The following EGLN3 variants were observed in gnomAD, a reference collection of about 807,000 sequenced individuals.
The protein encoded by EGLN3 is prolyl hydroxylase EGLN3.
A neutral mutation model predicts 26.0 loss-of-function variants in EGLN3; 15 were observed. The ratio of observed to expected loss-of-function variants is 0.58; its 90% CI spans 0.39 to 0.89. The LOEUF is 0.89. Among genes scored for constraint, EGLN3 ranks in the 40% least tolerant of loss-of-function variants. EGLN3 has a pLI of 0.00. For missense variants in EGLN3, 238 were observed against 311.6 expected (o/e 0.76, Z 1.78); for synonymous variants, 147 against 127.2 (o/e 1.16, Z -1.05).
At chr14:33,926,819 A>C in intron 4 of EGLN3, 141 bp downstream of exon 4, 1 of 505,534 alleles carries the variant, frequency 2.0e-6, no homozygotes, top group Non-Finnish European at 3.2e-6. Flanking sequence ...CCAAGGTTTC[A>C]GGATAAAACC....
At position 33,925,823 on chromosome 14, in the gene EGLN3, T is replaced by G. The variant is rs2064358256; in HGVS notation, c.*68A>C. On this transcript the variant is annotated 3_prime_UTR_variant, in exon 5 of 5. Coordinates refer to ENST00000250457, the MANE Select transcript of EGLN3 (RefSeq NM_022073.4). ...TCACTGAAGAGGCCATCTTTGGATC[T>G]CAAAGAATTTAAGAGAATTCAGGAA... The G allele has an allele frequency of 6.4e-7, 1 of 1,567,362 alleles. No individual in the cohort carries two copies. Among genetic ancestry groups the G allele is most frequent in the African/African-American group, 1.4e-5 (1 of 73,822 alleles).
chr14:33,927,617 T>A (rs2064371613), intron 3 of EGLN3, among the ~76,000 whole-genome samples: 1 of 152,186 alleles, frequency 6.6e-6, no homozygotes, highest in Non-Finnish European at 1.5e-5. Context: ...GATCTCAGGC[T>A]CCAAGTAGGG....
At chr14:33,948,041 T>C (rs2064530483) in intron 1 of EGLN3, among the ~76,000 whole-genome samples, 1 of 151,944 alleles carries the variant, frequency 6.6e-6, no homozygotes, top group Admixed American at 6.6e-5. Flanking sequence ...AAAAAAATAA[T>C]AATAATAAAT....
intron 1 of EGLN3, among the ~76,000 whole-genome samples, chr14:33,943,247 A>C (rs1282267424): frequency 1.3e-5 from 2 of 152,238 alleles, no homozygotes; most frequent in African/African-American, 4.8e-5. Flanking sequence ...GGCTCCTGGC[A>C]ATCTGCCAAA....
intron 1 of EGLN3, among the ~76,000 whole-genome samples, chr14:33,941,002 A>G (rs1441737473): frequency 6.6e-6 from 1 of 152,114 alleles, no homozygotes; most frequent in Non-Finnish European, 1.5e-5. Flanking sequence ...GAAAGCAACT[A>G]TTTTCCTTCT....
intron 2 of EGLN3, among the ~76,000 whole-genome samples, chr14:33,930,373 TTA>T (rs1398909051): frequency 3.3e-5 from 5 of 152,232 alleles, no homozygotes; most frequent in African/African-American, 1.2e-4. Flanking sequence ...TATTATTGCT[TTA>T]TGACAGCCAG....
At position 33,931,138 on chromosome 14, in the gene EGLN3, G is replaced by C; in HGVS notation, c.435C>G (p.Cys145Trp). 6.2e-7 allele frequency: 1 copy of C among 1,614,186 alleles called. No homozygotes were observed. The highest frequency in any genetic ancestry group is 1.7e-5 in the Admixed American group (1 of 60,024). Residue 145 changes from cysteine (C) to tryptophan (W), a missense_variant, in exon 2 of 5, where the codon TGC becomes TGG. Transcript: ENST00000250457. ...HVDNPNGDGR[C>W]ITCIYYLNKN... Reference sequence around the variant, plus strand: ...TGTTCAGATAGTAGATGCAGGTGATGCAGCGACCATCACCGTTGGGGTTGT... The same window carrying C: ...TGTTCAGATAGTAGATGCAGGTGATCCAGCGACCATCACCGTTGGGGTTGT...
At chr14:33,931,965 T>C (rs768843583) in intron 1 of EGLN3, among the ~76,000 whole-genome samples, 16 of 152,156 alleles carry the variant, frequency 1.1e-4, no homozygotes, top group Non-Finnish European at 2.4e-4. Flanking sequence ...GTACCAAAAA[T>C]CCTACTGAAA....
chr14:33,948,070 T>C (rs968823109), intron 1 of EGLN3, among the ~76,000 whole-genome samples: 1 of 152,130 alleles, frequency 6.6e-6, no homozygotes, highest in African/African-American at 2.4e-5. Flanking sequence ...AACTTTAGTT[T>C]TTCTTGAAAA....
intron 1 of EGLN3, among the ~76,000 whole-genome samples, chr14:33,946,957 A>G (rs2064522300): frequency 6.6e-6 from 1 of 152,190 alleles, no homozygotes; most frequent in Non-Finnish European, 1.5e-5. Context: ...TAATCACTCA[A>G]TATGTTTAAG....
chr14:33,925,759 G>T lies in EGLN3; in HGVS notation c.*132C>A. 1 of 988,316 alleles carries T rather than the reference G, an allele frequency of 1.0e-6. No individual in the cohort carries two copies. Among genetic ancestry groups the T allele is most frequent in the Non-Finnish European group, 1.6e-6 (1 of 635,720 alleles). 61.2% of individuals were successfully genotyped at this position (988,316 alleles called of 1,614,324 possible). A position where few individuals can be genotyped will look rare whatever the true frequency, so the allele number is the denominator to read the frequency against. On this transcript the variant is annotated 3_prime_UTR_variant, in exon 5 of 5. Transcript: ENST00000250457. Reference sequence around the variant, plus strand: ...AACATGAAGTACCACACACAAGACAGGGATGTGAAGGATGCAAGAAGTAGC... The same window carrying T: ...AACATGAAGTACCACACACAAGACATGGATGTGAAGGATGCAAGAAGTAGC...
At chr14:33,926,267 C>A (rs1288857119) in intron 4 of EGLN3, among the ~76,000 whole-genome samples, 3 of 152,122 alleles carry the variant, frequency 2.0e-5, no homozygotes, top group Non-Finnish European at 4.4e-5. Flanking sequence ...AATTTGGAGA[C>A]CACTTTGGTA....
In EGLN3 at chr14:33,950,537, G is replaced by A. The variant is rs747783978; in HGVS notation, c.216C>T (p.His72=). 2 of 1,613,390 alleles carry A rather than the reference G, an allele frequency of 1.2e-6. No individual in the cohort carries two copies. Among genetic ancestry groups the A allele is most frequent in the Admixed American group, 1.7e-5 (1 of 60,018 alleles). The change falls in exon 1 of 5, where the codon CAC becomes CAT. Residue 72 remains histidine (H), a synonymous_variant. Coordinates refer to ENST00000250457, the MANE Select transcript of EGLN3 (RefSeq NM_022073.4). ...TCCACGTGATCTGGTCGCCCCGCAG[G>A]TGTCGCTTGGAGACGCCGGCGCGCG... is the stretch of plus-strand genomic sequence containing the variant. The part of the protein sequence containing the change: ...AGPRAGVSKR[H]LRGDQITWIG...
chr14:33,943,050 A>G (rs1401528179), intron 1 of EGLN3, among the ~76,000 whole-genome samples: 1 of 152,234 alleles, frequency 6.6e-6, no homozygotes, highest in African/African-American at 2.4e-5. Flanking sequence ...AGACTCACCA[A>G]AAACAGGGAC....
At chr14:33,927,110 T>G in intron 3 of EGLN3, 77 bp from the exon 4 acceptor site, 2 of 941,620 alleles carry the variant, frequency 2.1e-6, no homozygotes, top group Non-Finnish European at 2.9e-6. Flanking sequence ...AAATCTCACA[T>G]TAAAAGTTTT....
intron 1 of EGLN3, 100 bp downstream of exon 1, chr14:33,950,292 AAAAC>A (rs1479595752): frequency 1.1e-5 from 13 of 1,146,668 alleles, no homozygotes; most frequent in Non-Finnish European, 1.7e-5. Flanking sequence ...TCTTGGTTAA[AAAAC>A]AAAGTTCGCT....
intron 1 of EGLN3, among the ~76,000 whole-genome samples, chr14:33,933,538 A>G (rs2064419359): frequency 6.6e-6 from 1 of 152,206 alleles, no homozygotes; most frequent in Non-Finnish European, 1.5e-5. Flanking sequence ...AACCACATGC[A>G]TCAAGTTGGA....
intron 2 of EGLN3, 69 bp from the exon 3 acceptor site, chr14:33,929,281 T>A (rs1212042732): frequency 6.4e-7 from 1 of 1,573,604 alleles, no homozygotes; most frequent in Non-Finnish European, 8.6e-7. Flanking sequence ...ATATTTCAGC[T>A]CCATTTAGAA....
chr14:33,931,316 C>T (rs949196265), intron 1 of EGLN3, 101 bp from the exon 2 acceptor site: 16 of 1,545,174 alleles, frequency 1.0e-5, no homozygotes, highest in African/African-American at 6.9e-5. Context: ...TTGGGTGTTA[C>T]GTGACATTTA....
Sources: gnomAD v4.1 joint callset for allele counts (sites outside exome capture counted in the v4.1 genomes callset) on GRCh38, gnomAD v4.1.1 for gene constraint, MANE v1.5 for transcripts, NCBI Gene and HGNC (gene_info 2026-07-23, HGNC 2026-07-21) for gene names.